Variants in RORB observed in about 807,000 individuals in gnomAD.
The protein encoded by RORB is RAR related orphan receptor B.
In RORB, 6 loss-of-function variants were observed where a neutral mutation model predicts 59.1. The ratio of observed to expected loss-of-function variants is 0.10; its 90% CI spans 0.06 to 0.20. The LOEUF is 0.20. RORB is among the 10% of genes least tolerant of loss of function. The pLI is 1.00. For synonymous variants in RORB, 215 were observed against 204.5 expected (o/e 1.05, Z -0.44); for missense variants, 320 against 560.5 (o/e 0.57, Z 4.33).
chr9:74,656,073 A>T (rs931838218), intron 4 of RORB, among the ~76,000 whole-genome samples: 4 of 152,224 alleles, frequency 2.6e-5, no homozygotes, highest in African/African-American at 9.6e-5. Context: ...AGCCATTCTG[A>T]GTGCTTAGGC....
chr9:74,539,259 T>C (rs1826368449), intron 1 of RORB, among the ~76,000 whole-genome samples: 1 of 152,172 alleles, frequency 6.6e-6, no homozygotes, highest in Non-Finnish European at 1.5e-5. Flanking sequence ...TAATGACATA[T>C]ATTTAGTTTT....
intron 1 of RORB, among the ~76,000 whole-genome samples, chr9:74,543,461 A>G (rs993651701): frequency 6.6e-6 from 1 of 152,134 alleles, no homozygotes; most frequent in East Asian, 1.9e-4. Context: ...TATTTCATTC[A>G]ACAAAGATTT....
rs772239009 is a variant in RORB, at chr9:74,691,886, A to T, written c.*6268A>T. On this transcript the variant is annotated 3_prime_UTR_variant, in exon 10 of 10. Transcript: ENST00000376896. ...CTGTCAATTAAATCTGCTCCAAAGA[A>T]TTTGTATTGAAGATTGGCCTAAGAC... is the stretch of plus-strand genomic sequence containing the variant. 7.9e-5 allele frequency: 12 copies of T among 152,168 alleles called. No homozygotes were observed. Among genetic ancestry groups the T allele is most frequent in the Non-Finnish European group, 1.5e-4 (10 of 68,028 alleles). 9.4% of individuals were successfully genotyped at this position (152,168 alleles called of 1,614,324 possible).
chr9:74,555,912 G>A (rs1587357776), intron 1 of RORB, among the ~76,000 whole-genome samples: 1 of 152,278 alleles, frequency 6.6e-6, no homozygotes, highest in East Asian at 1.9e-4. Flanking sequence ...AGTTCATACA[G>A]CTGATTCCAC....
intron 1 of RORB, among the ~76,000 whole-genome samples, chr9:74,509,020 G>A (rs998241591): frequency 3.3e-5 from 5 of 151,944 alleles, no homozygotes; most frequent in South Asian, 4.1e-4. Context: ...CTCCGCTACC[G>A]TTTGGCCAGC....
chr9:74,628,086 A>T (rs990979430), intron 1 of RORB, among the ~76,000 whole-genome samples: 4 of 152,228 alleles, frequency 2.6e-5, no homozygotes, highest in African/African-American at 9.6e-5. Flanking sequence ...GCATAAGATC[A>T]GATATTTTAT....
intron 1 of RORB, among the ~76,000 whole-genome samples, chr9:74,598,524 T>C (rs957025007): frequency 6.6e-6 from 1 of 152,220 alleles, no homozygotes; most frequent in Non-Finnish European, 1.5e-5. Context: ...GTATAGTTTA[T>C]ATTTGTATAT....
At chr9:74,645,044 C>T (rs1216291739) in intron 4 of RORB, among the ~76,000 whole-genome samples, 1 of 152,170 alleles carries the variant, frequency 6.6e-6, no homozygotes, top group Non-Finnish European at 1.5e-5. Flanking sequence ...TCAATTATTT[C>T]AAGATACCTC....
intron 1 of RORB, among the ~76,000 whole-genome samples, chr9:74,621,561 G>A (rs973167272): frequency 3.9e-5 from 6 of 152,176 alleles, no homozygotes; most frequent in Admixed American, 3.3e-4. Context: ...TTGTGTGCAC[G>A]TTGTCATGTG....
intron 1 of RORB, chr9:74,498,451 G>C (rs1563921414): frequency 6.2e-6 from 1 of 161,300 alleles, no homozygotes; most frequent in Non-Finnish European, 1.3e-5. Flanking sequence ...GCCAGGTTAC[G>C]AGGCCCACTA....
chr9:74,518,886 T>A (rs187966896), intron 1 of RORB, among the ~76,000 whole-genome samples: 13 of 152,096 alleles, frequency 8.5e-5, no homozygotes, highest in Non-Finnish European at 1.5e-5. Context: ...AATATGCTTT[T>A]TCTCCAACTT....
At chr9:74,655,191 A>G (rs1000194208) in intron 4 of RORB, among the ~76,000 whole-genome samples, 2 of 152,188 alleles carry the variant, frequency 1.3e-5, no homozygotes, top group African/African-American at 2.4e-5. Flanking sequence ...TACTGAGAAG[A>G]TGTAGCTGCA....
chr9:74,500,194 G>C (rs551601685), intron 1 of RORB, among the ~76,000 whole-genome samples: 1 of 152,252 alleles, frequency 6.6e-6, no homozygotes, highest in Admixed American at 6.5e-5. Context: ...GCGGCCTTAG[G>C]GGAATGCGCT....
intron 1 of RORB, among the ~76,000 whole-genome samples, chr9:74,568,035 T>G (rs1165007195): frequency 6.6e-6 from 1 of 152,238 alleles, no homozygotes; most frequent in Non-Finnish European, 1.5e-5. Flanking sequence ...CAAATTATCC[T>G]GGTTAATAAT....
intron 4 of RORB, among the ~76,000 whole-genome samples, chr9:74,645,135 C>G (rs964683994): frequency 2.6e-5 from 4 of 152,006 alleles, no homozygotes; most frequent in African/African-American, 9.7e-5. Context: ...AATGGGCTGT[C>G]CTGCCAGTGC....
At chr9:74,617,514 C>G (rs571235927) in intron 1 of RORB, among the ~76,000 whole-genome samples, 2 of 152,144 alleles carry the variant, frequency 1.3e-5, no homozygotes, top group Non-Finnish European at 2.9e-5. Flanking sequence ...GGATCTGATG[C>G]GCTCAAATAT....
At chr9:74,608,673 T>C (rs971870091) in intron 1 of RORB, among the ~76,000 whole-genome samples, 1 of 114,166 alleles carries the variant, frequency 8.8e-6, no homozygotes, top group Non-Finnish European at 1.9e-5. Context: ...GTTGGGAAAA[T>C]ACTTAAAACT....
chr9:74,655,379 T>C lies in RORB; in HGVS notation c.638-5238T>C, dbSNP rs184576135. ...CTTACTATTCCAGCACAGAGCATAC[T>C]GACTTCTTCTTCGACATGTACCATC... On this transcript the variant is annotated intron_variant, in intron 4 of 9. Transcript: ENST00000376896. Among the ~76,000 whole-genome samples, 4 of 152,330 alleles carry C rather than the reference T, an allele frequency of 2.6e-5. No homozygotes were observed. In the East Asian group the frequency reaches 5.8e-4, roughly 22 times the overall value.
At chr9:74,650,565 A>G (rs1425612528) in intron 4 of RORB, among the ~76,000 whole-genome samples, 1 of 152,182 alleles carries the variant, frequency 6.6e-6, no homozygotes, top group Non-Finnish European at 1.5e-5. Flanking sequence ...CCAACTGGAA[A>G]ACAATTTTTG....
Sources: gnomAD v4.1 joint callset for allele counts (sites outside exome capture counted in the v4.1 genomes callset) on GRCh38, gnomAD v4.1.1 for gene constraint, MANE v1.5 for transcripts, NCBI Gene and HGNC (gene_info 2026-07-23, HGNC 2026-07-21) for gene names.